Variants in ADCY2 observed in about 807,000 individuals in gnomAD.
ADCY2 encodes the protein adenylate cyclase 2.
In ADCY2, 31 loss-of-function variants were observed where a neutral mutation model predicts 125.2. The observed-to-expected ratio is 0.25, with a 90% confidence interval of 0.19 to 0.33. The LOEUF (loss-of-function observed/expected upper bound fraction) is 0.33, where lower values mean the gene tolerates loss of function less well. ADCY2 is among the 10% of genes least tolerant of loss of function. ADCY2 has a pLI of 1.00. For missense variants in ADCY2, 904 were observed against 1,418.2 expected, an observed-to-expected ratio of 0.64 and a Z score of 5.82; for synonymous variants, 512 against 548.4, an observed-to-expected ratio of 0.93 and a Z score of 0.93.
chr5:7,766,551 A>G (rs1743385200), intron 16 of ADCY2, 136 bp from the exon 17 acceptor site: 6 of 814,822 alleles, frequency 7.4e-6, no homozygotes, highest in Non-Finnish European at 1.9e-6. Flanking sequence ...TACTTATTCA[A>G]TAGAAATTCC....
chr5:7,811,166 C>T (rs2126531477), intron 22 of ADCY2, among the ~76,000 whole-genome samples: 2 of 152,250 alleles, frequency 1.3e-5, no homozygotes, highest in East Asian at 3.9e-4. Flanking sequence ...GAAAGGGGGG[C>T]TGTTCTCCAG....
At chr5:7,654,790 T>C (rs1188467043) in intron 4 of ADCY2, among the ~76,000 whole-genome samples, 1 of 151,746 alleles carries the variant, frequency 6.6e-6, no homozygotes, top group Non-Finnish European at 1.5e-5. Context: ...CCCAGAGGAG[T>C]GTACATGCCC....
intron 7 of ADCY2, among the ~76,000 whole-genome samples, chr5:7,704,675 C>T (rs534601225): frequency 2.6e-5 from 4 of 152,134 alleles, no homozygotes; most frequent in East Asian, 1.9e-4. Context: ...GTCAGGACAT[C>T]GAGACCATCC....
At chr5:7,717,291 T>C in intron 12 of ADCY2, 54 bp downstream of exon 12, 1 of 1,300,846 alleles carries the variant, frequency 7.7e-7, no homozygotes, top group Non-Finnish European at 1.1e-6. Flanking sequence ...GTTCCAGTTG[T>C]ATTTTATCAT....
chr5:7,588,466 T>A (rs997366876), intron 3 of ADCY2, among the ~76,000 whole-genome samples: 1 of 152,176 alleles, frequency 6.6e-6, no homozygotes, highest in African/African-American at 2.4e-5. Flanking sequence ...AAACCAGACA[T>A]GGTATCTAAA....
In ADCY2 at chr5:7,590,247, G is replaced by A. The variant is rs904369765; in HGVS notation, c.571-35920G>A. ...CTAAATTTGGGACTCTTGCAAAAAAGCATAGAATATGGGGATTATTAATTG... is the reference window on the plus strand; with the variant it reads ...CTAAATTTGGGACTCTTGCAAAAAAACATAGAATATGGGGATTATTAATTG... On this transcript the variant is annotated intron_variant, in intron 3 of 24. Transcript: ENST00000338316. Among the ~76,000 whole-genome samples the A allele has an allele frequency of 5.3e-5, 8 of 152,244 alleles. No homozygotes were observed. The East Asian group carries it at 1.2e-3, about 22-fold the overall frequency.
intron 4 of ADCY2, among the ~76,000 whole-genome samples, chr5:7,658,399 T>TGTGTGTGTG: frequency 7.6e-6 from 1 of 131,026 alleles, no homozygotes; most frequent in African/African-American, 2.8e-5. Flanking sequence ...GTGAAGAGAA[T>TGTGTGTGTG]TGTGTGTGTG....
chr5:7,704,458 C>T (rs1422060716), intron 7 of ADCY2, among the ~76,000 whole-genome samples: 1 of 152,134 alleles, frequency 6.6e-6, no homozygotes, highest in African/African-American at 2.4e-5. Flanking sequence ...ATATTCAGGA[C>T]CTTGATTTTA....
At chr5:7,817,544 A>G (rs1745155299) in intron 23 of ADCY2, among the ~76,000 whole-genome samples, 1 of 152,172 alleles carries the variant, frequency 6.6e-6, no homozygotes, top group Admixed American at 6.5e-5. Flanking sequence ...AATAACCTTT[A>G]GGCCTGGTGC....
intron 2 of ADCY2, among the ~76,000 whole-genome samples, chr5:7,485,575 G>T (rs775051418): frequency 4.6e-5 from 7 of 152,098 alleles, no homozygotes; most frequent in Non-Finnish European, 8.8e-5. Flanking sequence ...AAGGATTTTG[G>T]TGATTTTTTT....
intron 15 of ADCY2, among the ~76,000 whole-genome samples, chr5:7,748,535 C>CACACAG (rs778933568): frequency 0.04 from 3,363 of 84,856 alleles, 97 homozygotes; most frequent in African/African-American, 0.083. Context: ...CACACACACA[C>CACACAG]ACACACACAC....
chr5:7,418,969 C>T (rs1482009772), intron 2 of ADCY2, among the ~76,000 whole-genome samples: 1 of 152,098 alleles, frequency 6.6e-6, no homozygotes, highest in Non-Finnish European at 1.5e-5. Flanking sequence ...TCTTTTACTA[C>T]AGACTTCATA....
chr5:7,636,194 A>T (rs1271931421), intron 4 of ADCY2, among the ~76,000 whole-genome samples: 1 of 152,242 alleles, frequency 6.6e-6, no homozygotes, highest in South Asian at 2.1e-4. Context: ...TTGTTTACAG[A>T]TCTGGAGAAG....
At chr5:7,671,849 C>G (rs1288109895) in intron 4 of ADCY2, among the ~76,000 whole-genome samples, 4 of 152,038 alleles carry the variant, frequency 2.6e-5, no homozygotes, top group Non-Finnish European at 1.5e-5. Flanking sequence ...GCTTCTACAG[C>G]AAGAAAGATA....
At chr5:7,433,435 C>A (rs1477591986) in intron 2 of ADCY2, among the ~76,000 whole-genome samples, 4 of 152,038 alleles carry the variant, frequency 2.6e-5, no homozygotes, top group African/African-American at 2.4e-5. Context: ...TGTGTGCACA[C>A]ACACATACAA....
At chr5:7,436,645 A>G (rs1740814692) in intron 2 of ADCY2, among the ~76,000 whole-genome samples, 3 of 152,252 alleles carry the variant, frequency 2.0e-5, no homozygotes, top group African/African-American at 7.2e-5. Flanking sequence ...GGATGTTGAC[A>G]GTGACATTTG....
At chr5:7,641,123 G>A (rs1263025383) in intron 4 of ADCY2, among the ~76,000 whole-genome samples, 3 of 152,174 alleles carry the variant, frequency 2.0e-5, no homozygotes, top group Admixed American at 6.6e-5. Flanking sequence ...ATGCTCTGCA[G>A]TCACAACCCC....
chr5:7,700,719 CCACACACACACA>C (rs56197160), intron 7 of ADCY2, among the ~76,000 whole-genome samples: 5,307 of 98,264 alleles, frequency 0.054, 546 homozygotes, highest in African/African-American at 0.19. Flanking sequence ...CTCGCACCCA[CCACACACACACA>C]CACACACACA....
chr5:7,747,495 A>G (rs1301653454), intron 15 of ADCY2, among the ~76,000 whole-genome samples: 1 of 152,142 alleles, frequency 6.6e-6, no homozygotes, highest in Non-Finnish European at 1.5e-5. Flanking sequence ...CCCCTGCAGA[A>G]CCTTCTCCAA....
Sources: gnomAD v4.1 joint callset for allele counts (sites outside exome capture counted in the v4.1 genomes callset) on GRCh38, gnomAD v4.1.1 for gene constraint, MANE v1.5 for transcripts, NCBI Gene and HGNC (gene_info 2026-07-23, HGNC 2026-07-21) for gene names.